The following HMGA2 variants were observed in gnomAD, a reference collection of about 807,000 sequenced individuals.
The protein encoded by HMGA2 is high mobility group AT-hook 2, also known as high mobility group protein HMGI-C.
In HMGA2, 8 loss-of-function variants were observed where a neutral mutation model predicts 19.1. The observed-to-expected ratio is 0.42, with a 90% confidence interval of 0.25 to 0.76. The LOEUF (loss-of-function observed/expected upper bound fraction) is 0.76, where lower values mean the gene tolerates loss of function less well. HMGA2 is among the 30% of genes least tolerant of loss of function. HMGA2 has a pLI of 0.28. For missense variants in HMGA2, 109 were observed against 136.3 expected, an observed-to-expected ratio of 0.80 and a Z score of 1.00; for synonymous variants, 60 against 48.8, an observed-to-expected ratio of 1.23 and a Z score of -0.96.
At chr12:65,858,937 A>C (rs1182026949) in intron 3 of HMGA2, 1 of 152,226 alleles carries the variant, frequency 6.6e-6, no homozygotes, top group Non-Finnish European at 1.5e-5. Flanking sequence ...GAAAATCTTG[A>C]CAGTTCTGGG....
At chr12:65,917,214 G>C (rs1199127678) in intron 3 of HMGA2, among the ~76,000 whole-genome samples, 14 of 152,238 alleles carry the variant, frequency 9.2e-5, no homozygotes, top group Non-Finnish European at 2.9e-5. Flanking sequence ...GTTAAAAGAA[G>C]GAAGAAAAAG....
At chr12:65,891,625 A>G (rs1354968424) in intron 3 of HMGA2, among the ~76,000 whole-genome samples, 1 of 152,210 alleles carries the variant, frequency 6.6e-6, no homozygotes, top group African/African-American at 2.4e-5. Flanking sequence ...TAAAATGCCC[A>G]AGATGGGAGA....
intron 3 of HMGA2, among the ~76,000 whole-genome samples, chr12:65,879,480 A>C (rs1000185497): frequency 6.6e-6 from 1 of 152,186 alleles, no homozygotes; most frequent in Non-Finnish European, 1.5e-5. Context: ...ACTATATATA[A>C]AGTTTTTTTC....
At chr12:65,832,899 CA>C (rs2120846673) in intron 2 of HMGA2, among the ~76,000 whole-genome samples, 1 of 151,948 alleles carries the variant, frequency 6.6e-6, no homozygotes, top group African/African-American at 2.4e-5. Flanking sequence ...TTTATGATTA[CA>C]AAGAAGTAGA....
chr12:65,835,996 T>A (rs988903172), intron 2 of HMGA2, among the ~76,000 whole-genome samples: 4 of 152,228 alleles, frequency 2.6e-5, no homozygotes, highest in Non-Finnish European at 5.9e-5. Flanking sequence ...TAACTCACTA[T>A]GCAATAGCCA....
intron 3 of HMGA2, among the ~76,000 whole-genome samples, chr12:65,904,104 G>A (rs1409106458): frequency 6.6e-6 from 1 of 152,252 alleles, no homozygotes; most frequent in Non-Finnish European, 1.5e-5. Context: ...GTTAATCAGA[G>A]AGAACTTTAA....
chr12:65,965,716 A>G lies in HMGA2; in HGVS notation c.*2424A>G, dbSNP rs546476844. ...TTGGCCAGCTCATAAAATGGAAGCA[A>G]TTGCTCATGTTGGCCAAACATGGTG... is the stretch of plus-strand genomic sequence containing the variant. On this transcript the variant is annotated 3_prime_UTR_variant, in exon 5 of 5. Coordinates refer to ENST00000403681, the MANE Select transcript of HMGA2 (RefSeq NM_003483.6). The G allele has an allele frequency of 9.0e-6, 2 of 223,174 alleles. No individual in the cohort carries two copies. The highest frequency in any genetic ancestry group is 1.8e-4 in the South Asian group (1 of 5,424). 13.8% of individuals were successfully genotyped at this position (223,174 alleles called of 1,614,324 possible).
chr12:65,915,647 G>T, intron 3 of HMGA2: 1 of 654,818 alleles, frequency 1.5e-6, no homozygotes, highest in Non-Finnish European at 1.9e-6. Context: ...TTCATTCCCA[G>T]CTTCAGATGG....
intron 3 of HMGA2, chr12:65,867,045 G>A (rs1872459520): frequency 2.3e-6 from 1 of 430,486 alleles, no homozygotes; most frequent in Middle Eastern, 3.4e-4. Flanking sequence ...AAGTAGAGAA[G>A]AAAGAGGAGA....
intron 3 of HMGA2, among the ~76,000 whole-genome samples, chr12:65,908,319 C>A (rs761586082): frequency 2.0e-5 from 3 of 152,048 alleles, no homozygotes; most frequent in African/African-American, 7.2e-5. Context: ...CTCCTTAGCT[C>A]GGCATATCTC....
chr12:65,914,766 CCAGGTTCAAGCAATTCTCCTGCCT>C (rs1288627905), intron 3 of HMGA2: 1 of 379,908 alleles, frequency 2.6e-6, no homozygotes, highest in Admixed American at 3.7e-5. Flanking sequence ...CCTCCACCTC[CCAGGTTCAAGCAATTCTCCTGCCT>C]CAGGCTCCTG....
chr12:65,907,959 C>T (rs1033910794), intron 3 of HMGA2, among the ~76,000 whole-genome samples: 4 of 152,092 alleles, frequency 2.6e-5, no homozygotes, highest in Admixed American at 2.6e-4. Context: ...ACAAAGGTAG[C>T]TTGACTCTCT....
At chr12:65,886,731 G>C (rs944986250) in intron 3 of HMGA2, among the ~76,000 whole-genome samples, 1 of 152,166 alleles carries the variant, frequency 6.6e-6, no homozygotes, top group Non-Finnish European at 1.5e-5. Flanking sequence ...ACACAGAGGT[G>C]TTCGAGGAAG....
chr12:65,902,794 A>G (rs1874427527), intron 3 of HMGA2, among the ~76,000 whole-genome samples: 2 of 152,210 alleles, frequency 1.3e-5, no homozygotes, highest in African/African-American at 4.8e-5. Context: ...TGCTGATACT[A>G]CAGGATTTAA....
intron 3 of HMGA2, among the ~76,000 whole-genome samples, chr12:65,917,957 A>T (rs1875168637): frequency 2.0e-5 from 3 of 152,240 alleles, no homozygotes; most frequent in Admixed American, 2.0e-4. Context: ...AAAGTGAAGA[A>T]TTATCTAGAA....
At chr12:65,944,411 G>C (rs1876190195) in intron 3 of HMGA2, among the ~76,000 whole-genome samples, 2 of 152,148 alleles carry the variant, frequency 1.3e-5, no homozygotes, top group South Asian at 4.1e-4. Context: ...GACAGTCCTG[G>C]TGCTCTGGAA....
At chr12:65,929,575 G>A (rs1226557838) in intron 3 of HMGA2, among the ~76,000 whole-genome samples, 4 of 151,462 alleles carry the variant, frequency 2.6e-5, no homozygotes, top group African/African-American at 4.9e-5. Flanking sequence ...CCTAAACCCC[G>A]AATCCCAGAA....
upstream of HMGA2, chr12:65,824,461 T>G (rs1427542645): frequency 1.2e-5 from 2 of 171,234 alleles, no homozygotes; most frequent in Non-Finnish European, 1.2e-5. Flanking sequence ...CTCATCCCAC[T>G]TGAATCTTGG....
intron 3 of HMGA2, chr12:65,915,127 C>T: frequency 6.2e-7 from 1 of 1,613,736 alleles, no homozygotes; most frequent in African/African-American, 1.3e-5. Flanking sequence ...AAAGGAGTCA[C>T]TGAATTGTCA....
Sources: allele counts gnomAD v4.1 joint callset (sites outside exome capture counted in the v4.1 genomes callset), GRCh38; gene constraint gnomAD v4.1.1; transcripts MANE v1.5; gene names NCBI Gene and HGNC (gene_info 2026-07-23, HGNC 2026-07-21).